CSMD1: variants seen among roughly 807,000 people sequenced by gnomAD.
CSMD1 encodes CUB and sushi domain-containing protein 1.
Under a neutral mutation model 417.5 loss-of-function variants are expected in CSMD1, and 213 were observed. The ratio of observed to expected loss-of-function variants is 0.51; its 90% CI spans 0.46 to 0.57. The LOEUF is 0.57. Among genes scored for constraint, CSMD1 ranks in the 20% least tolerant of loss-of-function variants. CSMD1 has a pLI of 0.00. For synonymous variants in CSMD1, 2,862 were observed against 1,736.8 expected, an observed-to-expected ratio of 1.65 and a Z score of -16.11; for missense variants, 6,923 against 4,529.7, an observed-to-expected ratio of 1.53 and a Z score of -15.17.
Position 4,048,461 on chromosome 8 carries a change from G to T in CSMD1, c.416-16362C>A, listed in dbSNP as rs1052836106. Among the ~76,000 whole-genome samples the T allele has an allele frequency of 4.6e-5, 7 of 152,162 alleles. No individual in the cohort carries two copies. The South Asian group carries it at 1.4e-3, about 31-fold the overall frequency. On this transcript the variant is annotated intron_variant, in intron 3 of 69. Transcript: ENST00000635120. ...CCTATTTTCCCAACAAGATTCTGCA[G>T]TAGCTACTATTATCCCCATTTTAAA...
intron 1 of CSMD1, among the ~76,000 whole-genome samples, chr8:4,881,683 T>G (rs1166507297): frequency 1.3e-5 from 2 of 152,074 alleles, no homozygotes; most frequent in Non-Finnish European, 2.9e-5. Flanking sequence ...TAAGGTATTC[T>G]GCAACCTCAG....
At chr8:4,618,533 A>G (rs1801604778) in intron 2 of CSMD1, among the ~76,000 whole-genome samples, 1 of 151,640 alleles carries the variant, frequency 6.6e-6, no homozygotes, top group African/African-American at 2.4e-5. Flanking sequence ...CTGTGTACAT[A>G]TTTATTTCTT....
chr8:4,678,869 C>A (rs74656441), intron 1 of CSMD1, among the ~76,000 whole-genome samples: 2 of 152,172 alleles, frequency 1.3e-5, no homozygotes, highest in African/African-American at 4.8e-5. Flanking sequence ...AACTGAAATT[C>A]TGTCATTGTA....
chr8:4,688,438 A>G (rs1448663285), intron 1 of CSMD1, among the ~76,000 whole-genome samples: 1 of 152,158 alleles, frequency 6.6e-6, no homozygotes, highest in Admixed American at 6.5e-5. Flanking sequence ...AGGGTGAGCC[A>G]TCTCCCCGGG....
At chr8:4,645,539 C>G in intron 1 of CSMD1, among the ~76,000 whole-genome samples, 1 of 149,082 alleles carries the variant, frequency 6.7e-6, no homozygotes, top group South Asian at 2.1e-4. Context: ...GAGCATTAAG[C>G]CTTGAACATA....
At chr8:3,009,488 C>T (rs920220724) in intron 52 of CSMD1, among the ~76,000 whole-genome samples, 6 of 152,288 alleles carry the variant, frequency 3.9e-5, no homozygotes, top group African/African-American at 1.4e-4. Flanking sequence ...AATTTGCAAA[C>T]TTTTCTTCAG....
intron 3 of CSMD1, among the ~76,000 whole-genome samples, chr8:4,322,134 C>T (rs1799304563): frequency 6.6e-6 from 1 of 152,024 alleles, no homozygotes; most frequent in Non-Finnish European, 1.5e-5. Context: ...TCATTTTATC[C>T]TCCGATTTCT....
intron 3 of CSMD1, among the ~76,000 whole-genome samples, chr8:4,398,620 C>T (rs1436099980): frequency 6.6e-6 from 1 of 152,066 alleles, no homozygotes; most frequent in East Asian, 1.9e-4. Flanking sequence ...TTGTCTCGAT[C>T]TCCTGACCTC....
chr8:4,241,518 G>A (rs993214135), intron 3 of CSMD1, among the ~76,000 whole-genome samples: 3 of 152,094 alleles, frequency 2.0e-5, no homozygotes, highest in Admixed American at 6.6e-5. Flanking sequence ...CCCCCAGGAG[G>A]GCAGGGTCTC....
chr8:3,136,137 A>G (rs1351854128), intron 41 of CSMD1, among the ~76,000 whole-genome samples: 1 of 151,968 alleles, frequency 6.6e-6, no homozygotes, highest in South Asian at 2.1e-4. Flanking sequence ...TTGATGGCTC[A>G]TCTATGGAGT....
intron 7 of CSMD1, chr8:3,702,356 A>C (rs1031684510): frequency 6.6e-6 from 1 of 152,174 alleles, no homozygotes; most frequent in East Asian, 1.9e-4. Context: ...CTACTTCAAA[A>C]TAACAACCAA....
intron 23 of CSMD1, among the ~76,000 whole-genome samples, chr8:3,336,662 GC>G (rs1807281136): frequency 6.6e-6 from 1 of 152,132 alleles, no homozygotes; most frequent in Non-Finnish European, 1.5e-5. Context: ...AGAGCCCTGT[GC>G]CCCCATCCAG....
chr8:4,469,227 A>C (rs946478686), intron 2 of CSMD1, among the ~76,000 whole-genome samples: 5 of 152,088 alleles, frequency 3.3e-5, no homozygotes, highest in African/African-American at 1.2e-4. Flanking sequence ...ACCTAAGGAA[A>C]GGAAAGCTCA....
At chr8:4,101,310 G>T (rs1002344842) in intron 3 of CSMD1, among the ~76,000 whole-genome samples, 1 of 152,140 alleles carries the variant, frequency 6.6e-6, no homozygotes, top group Admixed American at 6.5e-5. Context: ...AGTTTCACTT[G>T]AACAGCTGTG....
chr8:4,746,780 G>A (rs1309322188), intron 1 of CSMD1, among the ~76,000 whole-genome samples: 2 of 152,116 alleles, frequency 1.3e-5, no homozygotes, highest in Non-Finnish European at 2.9e-5. Context: ...TCATTCTGAA[G>A]GCATCATACC....
chr8:4,030,927 T>C (rs530336232), intron 4 of CSMD1, among the ~76,000 whole-genome samples: 1 of 152,178 alleles, frequency 6.6e-6, no homozygotes, highest in Non-Finnish European at 1.5e-5. Context: ...AGGGGCAAAA[T>C]GCCATCAGTC....
At chr8:2,975,451 G>A (rs539592869) in intron 55 of CSMD1, among the ~76,000 whole-genome samples, 5 of 152,280 alleles carry the variant, frequency 3.3e-5, no homozygotes, top group African/African-American at 1.2e-4. Flanking sequence ...GTATCCTAGA[G>A]TAATTCCATT....
intron 1 of CSMD1, among the ~76,000 whole-genome samples, chr8:4,666,361 G>A (rs900708640): frequency 1.3e-5 from 2 of 152,106 alleles, no homozygotes; most frequent in African/African-American, 4.8e-5. Flanking sequence ...GAAGAGGGAG[G>A]CAGAGTCAGT....
rs117883917 is a variant in CSMD1 at position 4,579,231 on chromosome 8, G to A, written c.302+58111C>T. On this transcript the variant is annotated intron_variant, in intron 2 of 69. Coordinates refer to ENST00000635120, the MANE Select transcript of CSMD1 (RefSeq NM_033225.6). ...ACGGAATCAGGAAAATAATCCTCATGCCAACGGCGAAGTTTAAACATACAT... is the reference window on the plus strand; with the variant it reads ...ACGGAATCAGGAAAATAATCCTCATACCAACGGCGAAGTTTAAACATACAT... 6.4e-3 allele frequency among the ~76,000 whole-genome samples: 970 copies of A among 151,666 alleles called. 46 individuals are homozygous for A. In the East Asian group the frequency reaches 0.13, roughly 20 times the overall value.
Sources: allele counts gnomAD v4.1 joint callset (sites outside exome capture counted in the v4.1 genomes callset), GRCh38; gene constraint gnomAD v4.1.1; transcripts MANE v1.5; gene names NCBI Gene and HGNC (gene_info 2026-07-23, HGNC 2026-07-21).